The following SH3TC2 variants were observed in gnomAD, a reference collection of about 807,000 sequenced individuals.
SH3TC2 encodes the protein SH3 domain and tetratricopeptide repeat-containing protein 2.
A neutral mutation model predicts 124.5 loss-of-function variants in SH3TC2; 87 were observed. That is an observed-to-expected ratio of 0.70 (90% CI 0.59 to 0.84). The LOEUF (loss-of-function observed/expected upper bound fraction) is 0.84, where lower values mean the gene tolerates loss of function less well. SH3TC2 is among the 40% of genes least tolerant of loss of function. The probability of loss-of-function intolerance (pLI) is 0.00; values close to 1 mark genes in which losing one functional copy is unlikely to be tolerated. For missense variants in SH3TC2, 1,536 were observed against 1,566.4 expected (o/e 0.98, Z 0.33); for synonymous variants, 634 against 628.5 (o/e 1.01, Z -0.13).
rs780363659 is a variant in SH3TC2 at position 149,010,289 on chromosome 5, T to C, written c.3308A>G (p.His1103Arg). ...VFFNGTRHRH[H>R]AVEYYRAGAV... is the part of the protein sequence containing the mutation. ...ACTTACTCGGTAGTACTCCACTGCA[T>C]GATGCCTGTGGCGGGTCCCATTGAA... Residue 1103 changes from histidine to arginine, a missense_variant, in exon 14 of 17, where the codon CAT (histidine) becomes CGT (arginine). His to Arg is a conservative substitution (Grantham distance 29, BLOSUM62 0). This residue lies in a region of SH3TC2 where 426 missense variants were observed against 443.5 expected (regional missense o/e 0.96). Transcript: ENST00000515425. The C allele has an allele frequency of 2.1e-5, 34 of 1,614,120 alleles. No individual in the cohort carries two copies. The highest frequency in any genetic ancestry group is 3.3e-5 in the Admixed American group (2 of 60,010).
chr5:149,028,930 T>C (rs761910596), intron 9 of SH3TC2, among the ~76,000 whole-genome samples: 4 of 150,272 alleles, frequency 2.7e-5, no homozygotes, highest in African/African-American at 7.4e-5. Flanking sequence ...CACTTTACAG[T>C]TGGGAACCAA....
At chr5:149,023,102 T>C (rs944829274) in intron 12 of SH3TC2, among the ~76,000 whole-genome samples, 2 of 152,220 alleles carry the variant, frequency 1.3e-5, no homozygotes, top group Non-Finnish European at 2.9e-5. Flanking sequence ...GAAACTCTTT[T>C]GTAAAATTTT....
In SH3TC2 at chr5:149,001,209, A is replaced by G. The variant is rs1390399900; in HGVS notation, c.*3502T>C. On this transcript the variant is annotated 3_prime_UTR_variant, in exon 17 of 17. Transcript: ENST00000515425. ...ACATATATATACACATGCACAATAT[A>G]AAGGCATCTTAAAATAATGGAAAAG... 3 of 152,184 alleles carry G rather than the reference A, an allele frequency of 2.0e-5. No homozygotes were observed. Among genetic ancestry groups the G allele is most frequent in the African/African-American group, 7.2e-5 (3 of 41,434 alleles). The allele number at this position is 152,184 out of a possible 1,614,324, so 9.4% of individuals were successfully genotyped here.
intron 6 of SH3TC2, among the ~76,000 whole-genome samples, chr5:149,040,901 A>C (rs1482421475): frequency 3.3e-5 from 5 of 152,242 alleles, no homozygotes; most frequent in Non-Finnish European, 7.3e-5. Context: ...TTTGTCAGTT[A>C]AATAACTAAC....
In SH3TC2 at chr5:149,000,032, A is replaced by G. The variant is rs541712081; in HGVS notation, c.*4679T>C. On this transcript the variant is annotated 3_prime_UTR_variant, in exon 17 of 17. Transcript: ENST00000515425. ...GAATTAAGTAAGTGTCCCTTTCAGA[A>G]CTCAGTTTGGATATCACGTCCTCCA... is the stretch of plus-strand genomic sequence containing the variant. Among the ~76,000 whole-genome samples the G allele has an allele frequency of 6.6e-6, 1 of 152,230 alleles. No homozygotes were observed. Among genetic ancestry groups the G allele is most frequent in the East Asian group, 1.9e-4 (1 of 5,180 alleles).
rs1580888993 is a variant in SH3TC2 at position 149,008,950 on chromosome 5, G to A, written c.3379C>T (p.Arg1127Trp). 17 of 1,614,176 alleles carry A rather than the reference G, an allele frequency of 1.1e-5. No homozygotes were observed. Among genetic ancestry groups the A allele is most frequent in the Non-Finnish European group, 1.3e-5 (15 of 1,180,040 alleles). Reference protein sequence around the residue: ...RRLKAVRTELRIFNKLTELQI... With the variant: ...RRLKAVRTELWIFNKLTELQI... ...AGCTCTGTCAGCTTATTGAAAATCC[G>A]GAGCTCAGTTCTCACCGCCTTCAAC... Residue 1127 changes from arginine to tryptophan, a missense_variant, in exon 15 of 17, where the codon CGG becomes TGG. This residue lies in a region of SH3TC2 where 426 missense variants were observed against 443.5 expected (regional missense o/e 0.96). Transcript: ENST00000515425.
In SH3TC2 at chr5:148,994,670, G is replaced by GGTT. The variant is rs1753477002; in HGVS notation, c.*10038_*10040dup. Among the ~76,000 whole-genome samples, 1 of 151,316 alleles carries GGTT rather than the reference G, an allele frequency of 6.6e-6. No individual in the cohort carries two copies. Among genetic ancestry groups the GGTT allele is most frequent in the Non-Finnish European group, 1.5e-5 (1 of 67,926 alleles). On this transcript the variant is annotated 3_prime_UTR_variant, in exon 17 of 17. Coordinates refer to ENST00000515425, the MANE Select transcript of SH3TC2 (RefSeq NM_024577.4). Reference sequence around the variant, plus strand: ...TGGTTGGTTGGTTGGTTAATTGGCTGGTTGGATAAATGAATGGATGGATGG... The same window carrying GGTT: ...TGGTTGGTTGGTTGGTTAATTGGCTGGTTGTTGGATAAATGAATGGATGGATGG...
chr5:149,036,800 C>A (rs1561768241), intron 8 of SH3TC2, among the ~76,000 whole-genome samples: 1 of 152,184 alleles, frequency 6.6e-6, no homozygotes, highest in Non-Finnish European at 1.5e-5. Context: ...ACAACAGCCT[C>A]TGGAGGCAGA....
chr5:149,005,013 T>C (rs1255217795), intron 16 of SH3TC2, 111 bp from the exon 17 acceptor site: 1 of 1,310,346 alleles, frequency 7.6e-7, no homozygotes, highest in Non-Finnish European at 1.1e-6. Flanking sequence ...TGTTTGTTTG[T>C]TTGTTTGCCC....
intron 2 of SH3TC2, among the ~76,000 whole-genome samples, chr5:149,051,633 G>A (rs1485483623): frequency 6.6e-6 from 1 of 151,962 alleles, no homozygotes; most frequent in Non-Finnish European, 1.5e-5. Context: ...TTGATTTTTT[G>A]TTTAGGGATC....
At chr5:149,061,715 G>T (rs1256428988) in intron 1 of SH3TC2, among the ~76,000 whole-genome samples, 1 of 152,116 alleles carries the variant, frequency 6.6e-6, no homozygotes, top group Non-Finnish European at 1.5e-5. Flanking sequence ...AGAGCTAGAG[G>T]AAGTCAGATC....
intron 9 of SH3TC2, among the ~76,000 whole-genome samples, chr5:149,030,383 G>A (rs1359473319): frequency 1.3e-5 from 2 of 152,242 alleles, no homozygotes; most frequent in African/African-American, 4.8e-5. Flanking sequence ...ATCTTTGAGT[G>A]AGAGTCAAGT....
rs1772309120 is a variant in SH3TC2, at chr5:149,040,740, C to T, written c.732-63G>A. The T allele has an allele frequency of 6.9e-6, 9 of 1,297,424 alleles. No homozygotes were observed. The South Asian group carries it at 9.5e-5, about 14-fold the overall frequency. The allele number at this position is 1,297,424 out of a possible 1,614,324, so 80.4% of individuals were successfully genotyped here. A position where few individuals can be genotyped will look rare whatever the true frequency, so the allele number is the denominator to read the frequency against. ...CAAAAAATTGCAACAATGAACAGAA[C>T]AGTCTATCAGAATAATGATGATGAT... On this transcript the variant is annotated intron_variant, in intron 6 of 16. Transcript: ENST00000515425.
chr5:149,050,715 A>T (rs1754541388), intron 2 of SH3TC2, among the ~76,000 whole-genome samples: 1 of 152,212 alleles, frequency 6.6e-6, no homozygotes, highest in Non-Finnish European at 1.5e-5. Context: ...TGGCTATACC[A>T]CCCTGAACAT....
At chr5:149,053,008 G>C (rs1754583970) in intron 1 of SH3TC2, among the ~76,000 whole-genome samples, 1 of 152,200 alleles carries the variant, frequency 6.6e-6, no homozygotes, top group Non-Finnish European at 1.5e-5. Flanking sequence ...AATTTTAGTT[G>C]ATGGATTCTG....
Position 149,003,698 on chromosome 5 carries a change from A to T in SH3TC2, c.*1013T>A. On this transcript the variant is annotated 3_prime_UTR_variant, in exon 17 of 17. Transcript: ENST00000515425. ...AAGCAGCTGCCCTGAAATCAATAAG[A>T]TGCCTTGTAGTTGGGTATGGCACAT... 1 of 392,286 alleles carries T rather than the reference A, an allele frequency of 2.5e-6. No homozygotes were observed. The highest frequency in any genetic ancestry group is 1.8e-5 in the South Asian group (1 of 54,258). 24.3% of individuals were successfully genotyped at this position (392,286 alleles called of 1,614,324 possible).
At chr5:149,061,805 G>A (rs944508022) in intron 1 of SH3TC2, among the ~76,000 whole-genome samples, 1 of 152,112 alleles carries the variant, frequency 6.6e-6, no homozygotes, top group African/African-American at 2.4e-5. Flanking sequence ...AATGACAATA[G>A]GACTTAGGGG....
In SH3TC2 at chr5:148,992,986, C is replaced by T. The variant is rs140982816; in HGVS notation, c.*11725G>A. On this transcript the variant is annotated 3_prime_UTR_variant, in exon 17 of 17. Transcript: ENST00000515425. Reference sequence around the variant, plus strand: ...TGTATCATTGATAGTTACCTCTGATCTGCCACTCTGCCCATCTTCTGTGAA... The same window carrying T: ...TGTATCATTGATAGTTACCTCTGATTTGCCACTCTGCCCATCTTCTGTGAA... 3.5e-4 allele frequency among the ~76,000 whole-genome samples: 54 copies of T among 152,294 alleles called. No individual in the cohort carries two copies. Among genetic ancestry groups the T allele is most frequent in the African/African-American group, 1.2e-3 (49 of 41,554 alleles).
At chr5:149,058,355 G>C (rs1404472245) in intron 1 of SH3TC2, among the ~76,000 whole-genome samples, 1 of 152,118 alleles carries the variant, frequency 6.6e-6, no homozygotes, top group Non-Finnish European at 1.5e-5. Context: ...ACTAACACTT[G>C]ATGTTATCAG....
Sources: allele counts gnomAD v4.1 joint callset (sites outside exome capture counted in the v4.1 genomes callset), GRCh38; gene constraint gnomAD v4.1.1; regional missense constraint gnomAD v4.1.1; transcripts MANE v1.5; gene names NCBI Gene and HGNC (gene_info 2026-07-23, HGNC 2026-07-21).